HIPK2: variants seen among roughly 807,000 people sequenced by gnomAD.
HIPK2 encodes homeodomain-interacting protein kinase 2.
A neutral mutation model predicts 113.7 loss-of-function variants in HIPK2; 27 were observed. The ratio of observed to expected loss-of-function variants is 0.24; its 90% confidence interval spans 0.17 to 0.33. The LOEUF is 0.33. HIPK2 is among the 10% of genes least tolerant of loss of function. The pLI is 1.00. For missense variants in HIPK2, 1,257 were observed against 1,588.0 expected (o/e 0.79, Z 3.54); for synonymous variants, 631 against 642.2 (o/e 0.98, Z 0.26).
chr7:139,638,441 T>C (rs1006926107), intron 2 of HIPK2, among the ~76,000 whole-genome samples: 1 of 152,156 alleles, frequency 6.6e-6, no homozygotes, highest in African/African-American at 2.4e-5. Context: ...TCAGACCAGA[T>C]TGGTCCAATA....
chr7:139,681,323 G>A (rs765510014), intron 2 of HIPK2, among the ~76,000 whole-genome samples: 11 of 152,124 alleles, frequency 7.2e-5, no homozygotes, highest in Non-Finnish European at 1.3e-4. Context: ...GGAGAGAGGT[G>A]GGTGGGAGAG....
At chr7:139,703,901 T>C (rs1794793149) in intron 2 of HIPK2, among the ~76,000 whole-genome samples, 6 of 95,160 alleles carry the variant, frequency 6.3e-5, no homozygotes, top group Admixed American at 1.3e-4. Flanking sequence ...ACGCAACACA[T>C]ACTACACCCA....
chr7:139,596,703 T>TG lies in HIPK2; in HGVS notation c.2717+13dup, dbSNP rs1323847556. ...CCGGCTCCTTCCTGGAAGGCTAAGG[T>TG]GGCACTGCCTCACCTGGTGGGGGCG... On this transcript the variant is annotated intron_variant, in intron 12 of 14. Transcript: ENST00000406875. The TG allele has an allele frequency of 6.2e-7, 1 of 1,605,882 alleles. No individual in the cohort carries two copies. The highest frequency in any genetic ancestry group is 1.3e-5 in the African/African-American group (1 of 74,786).
intron 12 of HIPK2, among the ~76,000 whole-genome samples, chr7:139,592,450 C>A (rs961146536): frequency 6.6e-6 from 1 of 152,192 alleles, no homozygotes; most frequent in East Asian, 1.9e-4. Context: ...TAAAAAATTA[C>A]TCTCGGCCAG....
chr7:139,635,300 G>A (rs921691530), intron 2 of HIPK2, among the ~76,000 whole-genome samples: 3 of 152,198 alleles, frequency 2.0e-5, no homozygotes, highest in South Asian at 2.1e-4. Flanking sequence ...TAGGAAGGCC[G>A]GTCTGGCCCC....
intron 2 of HIPK2, among the ~76,000 whole-genome samples, chr7:139,698,073 C>A (rs1794612972): frequency 6.6e-6 from 1 of 152,072 alleles, no homozygotes; most frequent in Admixed American, 6.6e-5. Flanking sequence ...TTATGTTGGC[C>A]AGGCTGGTCT....
intron 2 of HIPK2, among the ~76,000 whole-genome samples, chr7:139,665,537 A>G (rs1802018622): frequency 6.6e-6 from 1 of 151,808 alleles, no homozygotes; most frequent in African/African-American, 2.4e-5. Flanking sequence ...TGGATAGAGC[A>G]CTGCCTTCAG....
At chr7:139,724,142 T>C (rs1795500495) in intron 1 of HIPK2, among the ~76,000 whole-genome samples, 1 of 152,124 alleles carries the variant, frequency 6.6e-6, no homozygotes, top group East Asian at 1.9e-4. Context: ...TATATGAATG[T>C]TGGAAATATG....
intron 6 of HIPK2, among the ~76,000 whole-genome samples, chr7:139,622,012 G>T (rs1800252491): frequency 6.6e-6 from 1 of 151,254 alleles, no homozygotes; most frequent in South Asian, 2.1e-4. Context: ...TATAAAAAAT[G>T]TAATAACTGA....
At chr7:139,600,372 C>T (rs1384029490) in intron 11 of HIPK2, 45 bp downstream of exon 11, 31 of 1,590,140 alleles carry the variant, frequency 1.9e-5, no homozygotes, top group Non-Finnish European at 2.7e-5. Context: ...TTAGCACTCA[C>T]ATCCCCTGGG....
chr7:139,667,840 T>C (rs1269422049), intron 2 of HIPK2, among the ~76,000 whole-genome samples: 2 of 152,194 alleles, frequency 1.3e-5, no homozygotes, highest in Admixed American at 1.3e-4. Context: ...AGCAATTACT[T>C]GTGGCTGGGA....
rs753370951 is a variant in HIPK2, at chr7:139,626,666, T to G, written c.1554A>C (p.Pro518=). 1 of 1,613,998 alleles carries G rather than the reference T, an allele frequency of 6.2e-7. No individual in the cohort carries two copies. The highest frequency in any genetic ancestry group is 8.5e-7 in the Non-Finnish European group (1 of 1,179,888). Residue 518 remains proline, a synonymous_variant, in exon 6 of 15, where the codon CCA becomes CCC. Transcript: ENST00000406875. Reference sequence around the variant, plus strand: ...CAAAGGGATGGTTCAGGGTTTCGATTGGAGTGATTCTCTTGTCAGCATCAA... The same window carrying G: ...CAAAGGGATGGTTCAGGGTTTCGATGGGAGTGATTCTCTTGTCAGCATCAA... The part of the protein sequence containing the change: ...LTIDADKRIT[P]IETLNHPFVT...
Position 139,573,116 on chromosome 7 carries a change from G to A in HIPK2, c.3408C>T (p.Tyr1136=). The change falls in exon 15 of 15, where the codon TAC becomes TAT. Residue 1136 remains tyrosine, a synonymous_variant. Coordinates refer to ENST00000406875, the MANE Select transcript of HIPK2 (RefSeq NM_022740.5). ...SARHTVQHTA[Y]PASIVHQVPV... ...GGACCTGGTGGACGATGCTGGCTGG[G>A]TAGGCAGTGTGCTGCACGGTGTGGC... 1 of 1,611,760 alleles carries A rather than the reference G, an allele frequency of 6.2e-7. No homozygotes were observed. The highest frequency in any genetic ancestry group is 8.5e-7 in the Non-Finnish European group (1 of 1,179,194).
chr7:139,641,305 C>T (rs1200716218), intron 2 of HIPK2, among the ~76,000 whole-genome samples: 1 of 147,488 alleles, frequency 6.8e-6, no homozygotes, highest in Admixed American at 6.9e-5. Context: ...GTGGAGGTTG[C>T]AGTGAGCTGA....
rs139280944 is a variant in HIPK2 at position 139,645,868 on chromosome 7, C to T, written c.1104-14143G>A. 7.2e-4 allele frequency among the ~76,000 whole-genome samples: 110 copies of T among 152,278 alleles called. 1 individual carries two copies. The East Asian group carries it at 0.02, about 27-fold the overall frequency. On this transcript the variant is annotated intron_variant, in intron 2 of 14. Coordinates refer to ENST00000406875, the MANE Select transcript of HIPK2 (RefSeq NM_022740.5). ...TGGTCCGGACAAGAGCGAGCTCTCA[C>T]GGTGACTGGTTGGTTATTCCAGCAG...
Position 139,563,542 on chromosome 7 carries a change from T to C in HIPK2, c.*9385A>G. The C allele has an allele frequency of 3.4e-6, 1 of 292,622 alleles. No individual in the cohort carries two copies. Among genetic ancestry groups the C allele is most frequent in the Non-Finnish European group, 6.2e-6 (1 of 160,414 alleles). The allele number at this position is 292,622 out of a possible 1,614,324, so 18.1% of individuals were successfully genotyped here. A position where few individuals can be genotyped will look rare whatever the true frequency, so the allele number is the denominator to read the frequency against. ...TTTTTCAGATACAACATACTTACTT[T>C]TCAAATGAACAAAAGGCAATTTCTA... On this transcript the variant is annotated 3_prime_UTR_variant, in exon 15 of 15. Transcript: ENST00000406875.
At chr7:139,642,637 T>G (rs1278675174) in intron 2 of HIPK2, among the ~76,000 whole-genome samples, 2 of 152,136 alleles carry the variant, frequency 1.3e-5, no homozygotes, top group African/African-American at 4.8e-5. Context: ...GTGATTGGAT[T>G]CTTAAAAAGA....
At position 139,576,852 on chromosome 7, in the gene HIPK2, C is replaced by T. The variant is rs371124037; in HGVS notation, c.2966-1564G>A. 2.8e-4 allele frequency among the ~76,000 whole-genome samples: 43 copies of T among 152,314 alleles called. 1 individual carries two copies. In the East Asian group the frequency reaches 7.0e-3, roughly 25 times the overall value. On this transcript the variant is annotated intron_variant, in intron 13 of 14. Transcript: ENST00000406875. ...CCCCAGAGGGCGGGAGCTCTGCTGCCGAGTGGGGGCCATCTCCCCACCCCA... is the reference window on the plus strand; with the variant it reads ...CCCCAGAGGGCGGGAGCTCTGCTGCTGAGTGGGGGCCATCTCCCCACCCCA...
At chr7:139,581,840 C>T (rs972230598) in intron 13 of HIPK2, among the ~76,000 whole-genome samples, 2 of 152,264 alleles carry the variant, frequency 1.3e-5, no homozygotes, top group East Asian at 1.9e-4. Flanking sequence ...GCAGCACTCC[C>T]GCATATGGTA....
Sources: gnomAD v4.1 joint callset for allele counts (sites outside exome capture counted in the v4.1 genomes callset) on GRCh38, gnomAD v4.1.1 for gene constraint, MANE v1.5 for transcripts, NCBI Gene and HGNC (gene_info 2026-07-23, HGNC 2026-07-21) for gene names.